Variants in F13A1 observed in about 807,000 individuals in gnomAD.
The protein encoded by F13A1 is FSF, A subunit.
Under a neutral mutation model 80.1 loss-of-function variants are expected in F13A1, and 47 were observed. That is an observed-to-expected ratio of 0.59 (90% CI 0.46 to 0.75). F13A1 has a LOEUF of 0.75. F13A1 is among the 30% of genes least tolerant of loss of function. The pLI is 0.00. For missense variants in F13A1, 817 were observed against 930.4 expected (o/e 0.88, Z 1.59); for synonymous variants, 349 against 344.9 (o/e 1.01, Z -0.13).
At chr6:6,149,481 C>G (rs758479110) in intron 14 of F13A1, among the ~76,000 whole-genome samples, 4 of 152,116 alleles carry the variant, frequency 2.6e-5, no homozygotes, top group African/African-American at 4.8e-5. Context: ...GGGGAGGTAA[C>G]TAAATTAGAA....
At chr6:6,272,331 G>T (rs1273770334) in intron 3 of F13A1, among the ~76,000 whole-genome samples, 1 of 152,196 alleles carries the variant, frequency 6.6e-6, no homozygotes, top group African/African-American at 2.4e-5. Flanking sequence ...GTTGAATATT[G>T]TTCCTAATAG....
At position 6,250,903 on chromosome 6, in the gene F13A1, T is replaced by C; in HGVS notation, c.598A>G (p.Lys200Glu). 2 of 1,612,958 alleles carry C rather than the reference T, an allele frequency of 1.2e-6. No individual in the cohort carries two copies. Among genetic ancestry groups the C allele is most frequent in the African/African-American group, 2.7e-5 (2 of 75,032 alleles). Residue 200 changes from lysine to glutamate, a missense_variant, in exon 5 of 15, where the codon AAA becomes GAA. Transcript: ENST00000264870. This position sits in a 1 kb window ranked among gnomAD's most constrained non-coding sequence, Gnocchi z 4.2. Reference protein sequence around the residue: ...EDDAVYLDNEKEREEYVLNDI... With the variant: ...EDDAVYLDNEEEREEYVLNDI... ...TTCAGGACATACTCTTCTCTTTCTT[T>C]CTCATTGTCCAGATACACAGCATCA...
intron 2 of F13A1, among the ~76,000 whole-genome samples, chr6:6,311,238 G>A (rs569432389): frequency 1.4e-4 from 21 of 152,234 alleles, no homozygotes; most frequent in African/African-American, 2.4e-4. Flanking sequence ...AATTTGGAGC[G>A]TAGAGTTGAT....
At chr6:6,152,634 A>ATTTAGG (rs1449317692) in intron 13 of F13A1, among the ~76,000 whole-genome samples, 1 of 151,968 alleles carries the variant, frequency 6.6e-6, no homozygotes, top group African/African-American at 2.4e-5. Context: ...AACAGTGGGG[A>ATTTAGG]CTCAGGTGAT....
Position 6,250,679 on chromosome 6 carries a change from T to G in F13A1, c.690+132A>C. ...GTCCCTACTCCTATGCTCTCTGCCT[T>G]GGAGTCTCAGATCCTAAAAAGCAGG... On this transcript the variant is annotated intron_variant, in intron 5 of 14. Transcript: ENST00000264870. The surrounding 1 kb of genome is among the most constrained non-coding windows in gnomAD (Gnocchi z 4.2). The G allele has an allele frequency of 1.4e-6, 1 of 702,786 alleles. No homozygotes were observed. The allele number at this position is 702,786 out of a possible 1,614,324, so 43.5% of individuals were successfully genotyped here. A position where few individuals can be genotyped will look rare whatever the true frequency, so the allele number is the denominator to read the frequency against.
chr6:6,161,585 C>T (rs1332986741), intron 13 of F13A1, among the ~76,000 whole-genome samples: 1 of 144,048 alleles, frequency 6.9e-6, no homozygotes, highest in Non-Finnish European at 1.5e-5. Flanking sequence ...AGAGAACAAG[C>T]AACACATGGG....
intron 3 of F13A1, among the ~76,000 whole-genome samples, chr6:6,286,737 G>A (rs1247825235): frequency 1.3e-5 from 2 of 152,172 alleles, no homozygotes; most frequent in African/African-American, 4.8e-5. Context: ...CAGACAGGCC[G>A]GGATGAAAGT....
intron 10 of F13A1, among the ~76,000 whole-genome samples, chr6:6,191,976 G>A (rs1236140559): frequency 6.6e-6 from 1 of 152,242 alleles, no homozygotes; most frequent in African/African-American, 2.4e-5. Flanking sequence ...CTTTGAAGAG[G>A]TGACCAGAGC....
chr6:6,248,494 A>G lies in F13A1; in HGVS notation c.691-75T>C, dbSNP rs1313521048. ...AAAATATTCTCTGATGAAAAATAAC[A>G]TGAAACCACAACCTAATGTTTAGAA... On this transcript the variant is annotated intron_variant, in intron 5 of 14. Coordinates refer to ENST00000264870, the MANE Select transcript of F13A1 (RefSeq NM_000129.4). The G allele has an allele frequency of 2.7e-6, 3 of 1,113,086 alleles. No homozygotes were observed. In the East Asian group the frequency reaches 7.5e-5, roughly 28 times the overall value. 69.0% of individuals were successfully genotyped at this position (1,113,086 alleles called of 1,614,324 possible). A position where few individuals can be genotyped will look rare whatever the true frequency, so the allele number is the denominator to read the frequency against.
intron 8 of F13A1, among the ~76,000 whole-genome samples, chr6:6,216,024 AGAG>A (rs992008263): frequency 2.2e-5 from 3 of 138,576 alleles, no homozygotes; most frequent in African/African-American, 8.3e-5. Flanking sequence ...AGGAAATAAA[AGAG>A]GATACAAACA....
intron 9 of F13A1, 152 bp downstream of exon 9, chr6:6,197,071 T>C (rs1233215158): frequency 4.3e-6 from 3 of 701,194 alleles, no homozygotes; most frequent in Non-Finnish European, 5.2e-6. Flanking sequence ...TTAAACCTGA[T>C]TGGAAGGTAG....
In F13A1 at chr6:6,299,922, T is replaced by G. The variant is rs907114797; in HGVS notation, c.319+5429A>C. 3.6e-4 allele frequency among the ~76,000 whole-genome samples: 53 copies of G among 147,148 alleles called. 6 individuals carry two copies. The highest frequency in any genetic ancestry group is 1.4e-3 in the African/African-American group (51 of 37,114). ...TTGATGATGGTGATGTACAGATGGG[T>G]TTTTGGTGTGGATGTCCTTTCTGTT... On this transcript the variant is annotated intron_variant, in intron 3 of 14. Coordinates refer to ENST00000264870, the MANE Select transcript of F13A1 (RefSeq NM_000129.4).
At chr6:6,308,606 C>CTTTTTTTTTT (rs770570204) in intron 2 of F13A1, among the ~76,000 whole-genome samples, 2 of 88,850 alleles carry the variant, frequency 2.3e-5, no homozygotes, top group Non-Finnish European at 4.1e-5. Context: ...AAAACACATT[C>CTTTTTTTTTT]TTTTTTTTTT....
At chr6:6,187,183 C>G (rs1419966625) in intron 10 of F13A1, among the ~76,000 whole-genome samples, 139 of 129,760 alleles carry the variant, frequency 1.1e-3, no homozygotes, top group African/African-American at 3.8e-3. Flanking sequence ...GGGACAATTT[C>G]ACTTCCTCTT....
At position 6,145,184 on chromosome 6, in the gene F13A1, G is replaced by A. The variant is rs946318387; in HGVS notation, c.*435C>T. ...AGGGTAGAACCTGACCCCGAGAAAG[G>A]GGACTGGAATTCTAGAGCCCAAATC... is the stretch of plus-strand genomic sequence containing the variant. On this transcript the variant is annotated 3_prime_UTR_variant, in exon 15 of 15. Coordinates refer to ENST00000264870, the MANE Select transcript of F13A1 (RefSeq NM_000129.4). 2.4e-5 allele frequency: 5 copies of A among 212,160 alleles called. No individual in the cohort carries two copies. Among genetic ancestry groups the A allele is most frequent in the Admixed American group, 2.1e-4 (4 of 18,778 alleles). The allele number at this position is 212,160 out of a possible 1,614,324, so 13.1% of individuals were successfully genotyped here. A position where few individuals can be genotyped will look rare whatever the true frequency, so the allele number is the denominator to read the frequency against.
intron 3 of F13A1, among the ~76,000 whole-genome samples, chr6:6,295,391 T>A (rs921234197): frequency 6.8e-6 from 1 of 147,970 alleles, no homozygotes; most frequent in African/African-American, 2.6e-5. Flanking sequence ...TTTCTCCACA[T>A]CCTCTCCAGC....
chr6:6,316,816 T>C (rs534898358), intron 2 of F13A1, among the ~76,000 whole-genome samples: 3 of 152,166 alleles, frequency 2.0e-5, no homozygotes, highest in Admixed American at 1.3e-4. Context: ...TAGGCATTGC[T>C]TCCATTTTGC....
At chr6:6,221,712 C>T (rs548916430) in intron 8 of F13A1, among the ~76,000 whole-genome samples, 1 of 152,296 alleles carries the variant, frequency 6.6e-6, no homozygotes, top group South Asian at 2.1e-4. Flanking sequence ...GGCTCCAATA[C>T]TTCTGCTATT....
chr6:6,230,770 C>A (rs940433261), intron 6 of F13A1, among the ~76,000 whole-genome samples: 12 of 152,220 alleles, frequency 7.9e-5, no homozygotes, highest in Non-Finnish European at 1.8e-4. Flanking sequence ...TCACAGGATT[C>A]TGTGCAGACA....
Sources: allele counts gnomAD v4.1 joint callset (sites outside exome capture counted in the v4.1 genomes callset), GRCh38; gene constraint gnomAD v4.1.1; non-coding constraint Gnocchi (gnomAD v3.1); transcripts MANE v1.5; gene names NCBI Gene and HGNC (gene_info 2026-07-23, HGNC 2026-07-21).